Variants in NXPE2 observed in about 807,000 individuals in gnomAD.
NXPE2 encodes the protein neurexophilin and PC-esterase domain family member 2, also known as NXPE family member 2.
In NXPE2, 34 loss-of-function variants were observed where a neutral mutation model predicts 34.4. The observed-to-expected ratio is 0.99, with a 90% CI of 0.75 to 1.31. The LOEUF (loss-of-function observed/expected upper bound fraction) is 1.31, where lower values mean the gene tolerates loss of function less well. NXPE2 is among the 40% of genes most tolerant of loss of function. The pLI is 0.00. For missense variants in NXPE2, 649 were observed against 672.5 expected, an observed-to-expected ratio of 0.97 and a Z score of 0.39; for synonymous variants, 235 against 231.3, an observed-to-expected ratio of 1.02 and a Z score of -0.15.
chr11:114,641,428 T>C, the NXPE2 span, among the ~76,000 whole-genome samples: 1 of 151,972 alleles, frequency 6.6e-6, no homozygotes, highest in Non-Finnish European at 1.5e-5. Flanking sequence ...TAAATGTAAA[T>C]TGCAATGAAA....
chr11:114,587,718 A>G, the NXPE2 span, among the ~76,000 whole-genome samples: 1 of 152,194 alleles, frequency 6.6e-6, no homozygotes, highest in African/African-American at 2.4e-5. Context: ...GGCCTTTCCA[A>G]AGGAAACGAA....
the NXPE2 span, among the ~76,000 whole-genome samples, chr11:114,536,279 A>C: frequency 4.6e-5 from 7 of 152,358 alleles, no homozygotes; most frequent in African/African-American, 1.4e-4. Context: ...ACATATTCAA[A>C]GCAGTGTGTA....
chr11:114,684,760 T>G (rs1224246349), intron 2 of NXPE2, among the ~76,000 whole-genome samples: 1 of 152,090 alleles, frequency 6.6e-6, no homozygotes, highest in Non-Finnish European at 1.5e-5. Flanking sequence ...TTTTAATTCA[T>G]ATGGAAAAAG....
chr11:114,567,714 T>C, the NXPE2 span, among the ~76,000 whole-genome samples: 1 of 152,102 alleles, frequency 6.6e-6, no homozygotes, highest in African/African-American at 2.4e-5. Context: ...CACAAACTGG[T>C]ACTTAGAATA....
chr11:114,677,065 A>G (rs1950866985), upstream of NXPE2, among the ~76,000 whole-genome samples: 1 of 152,054 alleles, frequency 6.6e-6, no homozygotes, highest in African/African-American at 2.4e-5. Flanking sequence ...GAAATCTAAA[A>G]ATGTCAAATT....
the NXPE2 span, chr11:114,583,098 T>A: frequency 4.2e-6 from 6 of 1,439,302 alleles, no homozygotes; most frequent in Non-Finnish European, 5.6e-6. Flanking sequence ...AAGTGTAACA[T>A]GCTATGAAAT....
chr11:114,509,618 C>T, the NXPE2 span, among the ~76,000 whole-genome samples: 2 of 152,120 alleles, frequency 1.3e-5, no homozygotes, highest in African/African-American at 2.4e-5. Flanking sequence ...ATGTCTTTTG[C>T]AGGGACTTGG....
chr11:114,729,365 G>A, the NXPE2 span, among the ~76,000 whole-genome samples: 2 of 152,016 alleles, frequency 1.3e-5, no homozygotes, highest in African/African-American at 4.8e-5. Context: ...GTACTGTGAT[G>A]AACTTACAAG....
chr11:114,810,870 T>C, the NXPE2 span, among the ~76,000 whole-genome samples: 1 of 152,130 alleles, frequency 6.6e-6, no homozygotes, highest in African/African-American at 2.4e-5. Context: ...ATCATGCTGC[T>C]ATAAAGACAC....
At chr11:114,506,902 T>C in the NXPE2 span, among the ~76,000 whole-genome samples, 2 of 151,400 alleles carry the variant, frequency 1.3e-5, no homozygotes, top group East Asian at 1.9e-4. Flanking sequence ...CTGAAGGAGA[T>C]TGAGACACAA....
chr11:114,557,765 C>G, the NXPE2 span, among the ~76,000 whole-genome samples: 1 of 150,626 alleles, frequency 6.6e-6, no homozygotes, highest in Non-Finnish European at 1.5e-5. Context: ...AATTTATCTT[C>G]TGCTTCAAGA....
the NXPE2 span, among the ~76,000 whole-genome samples, chr11:114,573,217 G>A: frequency 6.6e-6 from 1 of 152,088 alleles, no homozygotes; most frequent in South Asian, 2.1e-4. Flanking sequence ...TCTAAATCTT[G>A]AAGCAAGTTA....
the NXPE2 span, among the ~76,000 whole-genome samples, chr11:114,811,285 T>A: frequency 1.3e-5 from 2 of 151,782 alleles, no homozygotes; most frequent in South Asian, 4.2e-4. Flanking sequence ...TGTATACATA[T>A]GTAACAAACC....
chr11:114,662,808 C>A, the NXPE2 span, among the ~76,000 whole-genome samples: 1 of 152,214 alleles, frequency 6.6e-6, no homozygotes, highest in East Asian at 1.9e-4. Context: ...CAGAAGGGAA[C>A]CTGCTGCCTC....
At chr11:114,788,914 T>G in the NXPE2 span, among the ~76,000 whole-genome samples, 1 of 152,204 alleles carries the variant, frequency 6.6e-6, no homozygotes, top group East Asian at 1.9e-4. Flanking sequence ...ACTGGTTCCT[T>G]GTAAAGTGCC....
the NXPE2 span, among the ~76,000 whole-genome samples, chr11:114,744,437 T>TCAGATTG: frequency 3.5e-5 from 1 of 28,362 alleles, no homozygotes; most frequent in South Asian, 1.2e-3. Context: ...ACATGACATT[T>TCAGATTG]ATTGTTGATA....
chr11:114,527,787 G>T, the NXPE2 span: 1 of 1,251,070 alleles, frequency 8.0e-7, no homozygotes, highest in Non-Finnish European at 1.1e-6. Context: ...TTAGGTTAAT[G>T]CTGATAAAAG....
At chr11:114,495,063 A>G in the NXPE2 span, among the ~76,000 whole-genome samples, 3 of 152,162 alleles carry the variant, frequency 2.0e-5, no homozygotes, top group African/African-American at 7.2e-5. Flanking sequence ...ACCCAAGCGA[A>G]CAAAAGTCTC....
At chr11:114,605,328 A>G in the NXPE2 span, among the ~76,000 whole-genome samples, 1 of 151,968 alleles carries the variant, frequency 6.6e-6, no homozygotes, top group South Asian at 2.1e-4. Flanking sequence ...CCTGGTGGAT[A>G]ATAAGTATTG....
Sources: gnomAD v4.1 joint callset for allele counts (sites outside exome capture counted in the v4.1 genomes callset) on GRCh38, gnomAD v4.1.1 for gene constraint, MANE v1.5 for transcripts, NCBI Gene and HGNC (gene_info 2026-07-23, HGNC 2026-07-21) for gene names.